Variants in MARCHF6 observed in about 807,000 individuals in gnomAD.
MARCHF6 encodes the protein membrane associated ring-CH-type finger 6.
A neutral mutation model predicts 133.7 loss-of-function variants in MARCHF6; 31 were observed. That is an observed-to-expected ratio of 0.23 (90% confidence interval 0.17 to 0.31). The LOEUF (loss-of-function observed/expected upper bound fraction) is 0.31. MARCHF6 is among the 10% of genes least tolerant of loss of function. The probability of loss-of-function intolerance (pLI) is 1.00; values close to 1 mark genes in which losing one functional copy is unlikely to be tolerated. For missense variants in MARCHF6, 723 were observed against 1,121.6 expected, an observed-to-expected ratio of 0.64 and a Z score of 5.08; for synonymous variants, 395 against 402.5, an observed-to-expected ratio of 0.98 and a Z score of 0.22.
At chr5:10,415,448 C>G in intron 20 of MARCHF6, 40 bp from the exon 21 acceptor site, 1 of 1,559,214 alleles carries the variant, frequency 6.4e-7, no homozygotes. Flanking sequence ...ATTCTCTTTA[C>G]CTAGCCACAT....
intron 1 of MARCHF6, among the ~76,000 whole-genome samples, chr5:10,370,822 T>C (rs1222534320): frequency 2.0e-5 from 3 of 152,268 alleles, no homozygotes; most frequent in African/African-American, 7.2e-5. Flanking sequence ...AATTAGCTGC[T>C]GTACTACCTG....
intron 20 of MARCHF6, 89 bp from the exon 21 acceptor site, chr5:10,415,399 C>T: frequency 4.2e-6 from 5 of 1,195,418 alleles, no homozygotes; most frequent in South Asian, 3.0e-5. Flanking sequence ...TATCTTTTTC[C>T]TAATGTGAAA....
intron 24 of MARCHF6, among the ~76,000 whole-genome samples, chr5:10,428,094 G>A (rs1740183339): frequency 6.6e-6 from 1 of 151,932 alleles, no homozygotes; most frequent in Admixed American, 6.6e-5. Flanking sequence ...ACACAGGTTT[G>A]TATAGAGAGA....
chr5:10,426,347 T>A (rs775028057), intron 23 of MARCHF6, 43 bp from the exon 24 acceptor site: 1 of 1,600,734 alleles, frequency 6.2e-7, no homozygotes, highest in Non-Finnish European at 8.5e-7. Flanking sequence ...TTGGAGGAAT[T>A]TGTCTTGTAT....
intron 1 of MARCHF6, among the ~76,000 whole-genome samples, chr5:10,371,844 A>C (rs1222371307): frequency 6.6e-6 from 1 of 152,224 alleles, no homozygotes; most frequent in Non-Finnish European, 1.5e-5. Context: ...TAGAAATTAA[A>C]AGACATGCAA....
intron 6 of MARCHF6, 78 bp from the exon 7 acceptor site, chr5:10,391,464 T>TGA: frequency 2.3e-6 from 1 of 431,752 alleles, no homozygotes; most frequent in Non-Finnish European, 4.0e-6. Context: ...TTTTTTTTTT[T>TGA]AGCAGGAATA....
At chr5:10,380,189 GTGTT>G (rs1211830517) in intron 3 of MARCHF6, among the ~76,000 whole-genome samples, 2 of 146,988 alleles carry the variant, frequency 1.4e-5, no homozygotes, top group Admixed American at 7.0e-5. Flanking sequence ...GTGTGTGTGT[GTGTT>G]TAAGCATCTT....
intron 1 of MARCHF6, among the ~76,000 whole-genome samples, chr5:10,363,049 G>A (rs2126648833): frequency 6.6e-6 from 1 of 152,236 alleles, no homozygotes; most frequent in East Asian, 1.9e-4. Flanking sequence ...AACTCAAAGG[G>A]CTGTTAGACC....
chr5:10,420,518 C>T (rs1739771399), intron 22 of MARCHF6, among the ~76,000 whole-genome samples: 1 of 152,180 alleles, frequency 6.6e-6, no homozygotes, highest in South Asian at 2.1e-4. Flanking sequence ...CAGATACTAT[C>T]TGCCTTTTAA....
intron 15 of MARCHF6, 79 bp from the exon 16 acceptor site, chr5:10,405,479 C>T (rs1180568294): frequency 2.4e-6 from 3 of 1,230,038 alleles, no homozygotes; most frequent in African/African-American, 1.6e-5. Context: ...AAGTGCTTAT[C>T]TTTCTGTTAA....
At chr5:10,386,511 C>T (rs1737490943) in intron 4 of MARCHF6, among the ~76,000 whole-genome samples, 1 of 152,204 alleles carries the variant, frequency 6.6e-6, no homozygotes, top group Non-Finnish European at 1.5e-5. Context: ...ACCTGTGAAT[C>T]TGTGCTTTTA....
At position 10,402,459 on chromosome 5, in the gene MARCHF6, C is replaced by A. The variant is rs552260771; in HGVS notation, c.1122+7C>A. ...CTGCTATATTGTTGTTAAGGTAATTCCTGTTATAACTTAAAATTGGAAATG... is the reference window on the plus strand; with the variant it reads ...CTGCTATATTGTTGTTAAGGTAATTACTGTTATAACTTAAAATTGGAAATG... On this transcript the variant is annotated splice_region_variant and intron_variant, in intron 13 of 25. Coordinates refer to ENST00000274140, the MANE Select transcript of MARCHF6 (RefSeq NM_005885.4). The A allele has an allele frequency of 1.2e-6, 2 of 1,613,326 alleles. No individual in the cohort carries two copies. Among genetic ancestry groups the A allele is most frequent in the African/African-American group, 2.7e-5 (2 of 74,810 alleles).
chr5:10,356,377 A>ATTTTG (rs1230635140), intron 1 of MARCHF6, among the ~76,000 whole-genome samples: 1 of 136,468 alleles, frequency 7.3e-6, no homozygotes, highest in African/African-American at 2.7e-5. Flanking sequence ...ATTTTATTTT[A>ATTTTG]TTTTATTTTA....
intron 1 of MARCHF6, among the ~76,000 whole-genome samples, chr5:10,371,185 T>C (rs965729330): frequency 3.9e-5 from 6 of 152,228 alleles, no homozygotes; most frequent in Non-Finnish European, 8.8e-5. Context: ...AGATCTCTTG[T>C]ATACTGCCTT....
At chr5:10,394,270 C>T (rs1738044160) in intron 8 of MARCHF6, 127 bp downstream of exon 8, 5 of 502,032 alleles carry the variant, frequency 1.0e-5, no homozygotes, top group South Asian at 6.4e-5. Flanking sequence ...AATTTTCATT[C>T]CTAGTGAAAG....
At chr5:10,371,455 A>G (rs946564792) in intron 1 of MARCHF6, among the ~76,000 whole-genome samples, 3 of 152,212 alleles carry the variant, frequency 2.0e-5, no homozygotes, top group African/African-American at 7.2e-5. Flanking sequence ...CCTCACAATC[A>G]TGGTGGAGGG....
chr5:10,361,471 CTG>C lies in MARCHF6; in HGVS notation c.19+7556_19+7557del, dbSNP rs370201040. On this transcript the variant is annotated intron_variant, in intron 1 of 25. Coordinates refer to ENST00000274140, the MANE Select transcript of MARCHF6 (RefSeq NM_005885.4). ...TCTGTGTCTTCATGTAGTCTTCTCTCTGTATGTCTTCATGTAGTTGTCCCTCT... is the reference window on the plus strand; with the variant it reads ...TCTGTGTCTTCATGTAGTCTTCTCTCTATGTCTTCATGTAGTTGTCCCTCT... 3.7e-4 allele frequency among the ~76,000 whole-genome samples: 56 copies of C among 152,318 alleles called. 2 individuals are homozygous for C. The East Asian group carries it at 8.9e-3, about 24-fold the overall frequency.
chr5:10,403,630 T>G, intron 15 of MARCHF6, 89 bp downstream of exon 15: 2 of 1,204,064 alleles, frequency 1.7e-6, no homozygotes, highest in Non-Finnish European at 2.3e-6. Context: ...CTATGATGAT[T>G]TCCTACCTAA....
At chr5:10,390,185 C>T (rs1431166543) in intron 5 of MARCHF6, 147 bp from the exon 6 acceptor site, 1 of 646,724 alleles carries the variant, frequency 1.5e-6, no homozygotes, top group African/African-American at 1.9e-5. Context: ...TTTGGAGAAA[C>T]TTGAGATTTT....
Sources: allele counts gnomAD v4.1 joint callset (sites outside exome capture counted in the v4.1 genomes callset), GRCh38; gene constraint gnomAD v4.1.1; transcripts MANE v1.5; gene names NCBI Gene and HGNC (gene_info 2026-07-23, HGNC 2026-07-21).